Variants in EXTL3 observed in about 807,000 individuals in gnomAD.
EXTL3 encodes the protein exostosin like glycosyltransferase 3.
Under a neutral mutation model 69.3 loss-of-function variants are expected in EXTL3, and 27 were observed. That is an observed-to-expected ratio of 0.39 (90% CI 0.29 to 0.54). The LOEUF is 0.54. Ranked by LOEUF, EXTL3 falls within the 20% of genes least tolerant of loss-of-function variation. The pLI is 0.69. For missense variants in EXTL3, 1,003 were observed against 1,231.8 expected (o/e 0.81, Z 2.78); for synonymous variants, 511 against 499.4 (o/e 1.02, Z -0.31).
chr8:28,672,690 T>C (rs976465452), intron 1 of EXTL3, among the ~76,000 whole-genome samples: 6 of 152,204 alleles, frequency 3.9e-5, no homozygotes, highest in Admixed American at 1.3e-4. Flanking sequence ...CAGGTGACTC[T>C]GATGCATGCC....
chr8:28,632,637 TCTGTCTC>T (rs1186798973), intron 1 of EXTL3, among the ~76,000 whole-genome samples: 1 of 145,982 alleles, frequency 6.9e-6, no homozygotes, highest in East Asian at 2.1e-4. Context: ...CACCACAACC[TCTGTCTC>T]CTGGGTTGAA....
intron 1 of EXTL3, among the ~76,000 whole-genome samples, chr8:28,658,918 G>A (rs1807058433): frequency 6.6e-6 from 1 of 152,174 alleles, no homozygotes; most frequent in Non-Finnish European, 1.5e-5. Context: ...ATATTCCATC[G>A]TATGTATGTA....
In EXTL3 at chr8:28,716,089, G is replaced by T; in HGVS notation, c.30G>T (p.Gly10=). The T allele has an allele frequency of 1.3e-5, 21 of 1,610,962 alleles. No homozygotes were observed. Among genetic ancestry groups the T allele is most frequent in the Non-Finnish European group, 1.8e-5 (21 of 1,179,974 alleles). ...CAGGCTATACCATGCTGCGGAATGG[G>T]GGCGCGGGGAACGGAGGTCAGACCT... is the stretch of plus-strand genomic sequence containing the variant. MTGYTMLRN[G]GAGNGGQTCM... is the part of the protein sequence containing the mutation. Residue 10 remains glycine, a synonymous_variant, in exon 3 of 7, where the codon GGG becomes GGT. Transcript: ENST00000220562. This position sits in a 1 kb window ranked among gnomAD's most constrained non-coding sequence, Gnocchi z 7.1.
intron 1 of EXTL3, among the ~76,000 whole-genome samples, chr8:28,664,984 A>C (rs1807172488): frequency 7.0e-6 from 1 of 142,530 alleles, no homozygotes; most frequent in African/African-American, 2.7e-5. Context: ...GGACTACCTG[A>C]CTCTATCACC....
chr8:28,745,151 C>T (rs1013885527), intron 6 of EXTL3, among the ~76,000 whole-genome samples: 3 of 150,624 alleles, frequency 2.0e-5, no homozygotes, highest in South Asian at 2.1e-4. Context: ...GTGCCATGGG[C>T]GTGTCTGTGA....
chr8:28,686,634 G>A (rs1343717725), intron 1 of EXTL3, among the ~76,000 whole-genome samples: 1 of 152,112 alleles, frequency 6.6e-6, no homozygotes, highest in Non-Finnish European at 1.5e-5. Context: ...AAAAGAAAAC[G>A]TTGAAGGTTT....
At chr8:28,664,650 C>T (rs993917401) in intron 1 of EXTL3, among the ~76,000 whole-genome samples, 8 of 152,016 alleles carry the variant, frequency 5.3e-5, no homozygotes, top group Non-Finnish European at 8.8e-5. Context: ...TCAAGATATT[C>T]CTTTCCCCAG....
chr8:28,644,016 G>A (rs1210262569), intron 1 of EXTL3, among the ~76,000 whole-genome samples: 1 of 152,070 alleles, frequency 6.6e-6, no homozygotes, highest in East Asian at 1.9e-4. Context: ...CCTCTGCCTC[G>A]GCTTCCCAAA....
chr8:28,756,213 A>G (rs1372041915), downstream of EXTL3, among the ~76,000 whole-genome samples: 1 of 152,164 alleles, frequency 6.6e-6, no homozygotes, highest in Non-Finnish European at 1.5e-5. Flanking sequence ...ACTACTATCA[A>G]CCCAGAAAGT....
At chr8:28,723,265 C>T (rs1298105566) in intron 3 of EXTL3, among the ~76,000 whole-genome samples, 1 of 152,174 alleles carries the variant, frequency 6.6e-6, no homozygotes, top group Non-Finnish European at 1.5e-5. Context: ...GTCTGGTGCA[C>T]TTCACTAGGA....
intron 1 of EXTL3, among the ~76,000 whole-genome samples, chr8:28,627,106 C>T (rs1377290337): frequency 6.6e-6 from 1 of 151,634 alleles, no homozygotes; most frequent in Non-Finnish European, 1.5e-5. Context: ...GGCGTGAACC[C>T]AGGAGGTGGA....
chr8:28,666,827 G>A (rs979106207), intron 1 of EXTL3, among the ~76,000 whole-genome samples: 2 of 151,976 alleles, frequency 1.3e-5, no homozygotes, highest in Non-Finnish European at 2.9e-5. Flanking sequence ...TGCCTGCCTC[G>A]GCCTCTCAGA....
intron 2 of EXTL3, among the ~76,000 whole-genome samples, chr8:28,610,871 T>A (rs529243429): frequency 2.6e-5 from 4 of 152,104 alleles, no homozygotes; most frequent in Non-Finnish European, 4.4e-5. Context: ...GCCTCCCAAG[T>A]AGCTGGGATT....
At position 28,755,031 on chromosome 8, in the gene EXTL3, A is replaced by G. The variant is rs1276277527; in HGVS notation, c.*4165A>G. The G allele has an allele frequency of 6.6e-6, 1 of 152,240 alleles. No individual in the cohort carries two copies. Among genetic ancestry groups the G allele is most frequent in the Admixed American group, 6.5e-5 (1 of 15,284 alleles). The allele number at this position is 152,240 out of a possible 1,614,324, so 9.4% of individuals were successfully genotyped here. ...CACACTGGTGGAGAGCAAGTTATCT[A>G]TTACTATTTTAGGCTCTAATCCCAC... On this transcript the variant is annotated 3_prime_UTR_variant, in exon 7 of 7. Transcript: ENST00000220562.
chr8:28,649,069 G>GT (rs1382180022), intron 1 of EXTL3, among the ~76,000 whole-genome samples: 1 of 151,644 alleles, frequency 6.6e-6, no homozygotes, highest in African/African-American at 2.4e-5. Flanking sequence ...AGGTTTTTTT[G>GT]TTTTTGTTTT....
intron 3 of EXTL3, among the ~76,000 whole-genome samples, chr8:28,727,330 C>T (rs1394703398): frequency 6.6e-6 from 1 of 152,124 alleles, no homozygotes; most frequent in Non-Finnish European, 1.5e-5. Flanking sequence ...AGTAGTTGTT[C>T]TCTTGTTGCT....
intron 2 of EXTL3, among the ~76,000 whole-genome samples, chr8:28,613,095 G>A (rs1806291482): frequency 6.6e-6 from 1 of 152,130 alleles, no homozygotes; most frequent in African/African-American, 2.4e-5. Flanking sequence ...GTTCATGAAA[G>A]ATATTGGTCT....
chr8:28,737,552 C>A lies in EXTL3; in HGVS notation c.2310C>A (p.Gly770=). Residue 770 remains glycine (G), a synonymous_variant, in exon 5 of 7, where the codon GGC becomes GGA. Transcript: ENST00000220562. ...VWREARDRIV[G]FPGRYHAWDI... ...GAGAAGCTCGGGACCGCATCGTGGG[C>A]TTCCCTGGCCGTTACCACGCATGGG... 1 of 1,614,038 alleles carries A rather than the reference C, an allele frequency of 6.2e-7. No homozygotes were observed. Among genetic ancestry groups the A allele is most frequent in the East Asian group, 2.2e-5 (1 of 44,888 alleles).
intron 1 of EXTL3, among the ~76,000 whole-genome samples, chr8:28,711,774 G>T (rs2130725295): frequency 6.6e-6 from 1 of 152,258 alleles, no homozygotes; most frequent in East Asian, 1.9e-4. Flanking sequence ...GAGGTAGGAG[G>T]ACTGGGTCCC....
Sources: allele counts gnomAD v4.1 joint callset (sites outside exome capture counted in the v4.1 genomes callset), GRCh38; gene constraint gnomAD v4.1.1; non-coding constraint Gnocchi (gnomAD v3.1); transcripts MANE v1.5; gene names NCBI Gene and HGNC (gene_info 2026-07-23, HGNC 2026-07-21).